CDK19: variants seen among roughly 807,000 people sequenced by gnomAD.
CDK19 encodes cyclin dependent kinase 19.
A neutral mutation model predicts 68.3 loss-of-function variants in CDK19; 20 were observed. That is an observed-to-expected ratio of 0.29 (90% CI 0.21 to 0.43). The LOEUF (loss-of-function observed/expected upper bound fraction) is 0.43. Among genes scored for constraint, CDK19 ranks in the 20% least tolerant of loss-of-function variants. The pLI is 1.00. For missense variants in CDK19, 339 were observed against 623.5 expected (o/e 0.54, Z 4.86); for synonymous variants, 221 against 222.8 (o/e 0.99, Z 0.07).
rs1185809034 is a variant in CDK19, at chr6:110,617,760, G to A, written c.1378-3094C>T. Among the ~76,000 whole-genome samples the A allele has an allele frequency of 4.1e-5, 6 of 144,796 alleles. No homozygotes were observed. The Admixed American group carries it at 4.2e-4, about 10-fold the overall frequency. The allele number at this position is 144,796 out of a possible 152,430, so 95.0% of individuals were successfully genotyped here. A position where few individuals can be genotyped will look rare whatever the true frequency, so the allele number is the denominator to read the frequency against. On this transcript the variant is annotated intron_variant, in intron 12 of 12. Coordinates refer to ENST00000368911, the MANE Select transcript of CDK19 (RefSeq NM_015076.5). ...TAGTCTCAGCTACTTGGGAGGCTGA[G>A]GCATGAGAATCACTTGAACCCAGGA...
At chr6:110,737,864 G>A (rs1345645746) in intron 2 of CDK19, among the ~76,000 whole-genome samples, 1 of 152,164 alleles carries the variant, frequency 6.6e-6, no homozygotes, top group Non-Finnish European at 1.5e-5. Flanking sequence ...TCCATGCTGA[G>A]TCTTCAACTC....
intron 1 of CDK19, among the ~76,000 whole-genome samples, chr6:110,769,032 G>A (rs1258731655): frequency 1.3e-5 from 2 of 151,000 alleles, no homozygotes; most frequent in African/African-American, 4.9e-5. Flanking sequence ...GCACGTGCCT[G>A]TAGTCTCAGC....
chr6:110,728,424 A>G (rs1776506250), intron 2 of CDK19, among the ~76,000 whole-genome samples: 1 of 151,930 alleles, frequency 6.6e-6, no homozygotes, highest in Non-Finnish European at 1.5e-5. Context: ...ATCAATTTCT[A>G]CCCATCTGCC....
chr6:110,618,545 C>T (rs1778497053), intron 12 of CDK19, among the ~76,000 whole-genome samples: 2 of 152,196 alleles, frequency 1.3e-5, no homozygotes, highest in African/African-American at 2.4e-5. Flanking sequence ...TTCCTTCTCC[C>T]GATGGTGTTA....
chr6:110,678,446 C>T (rs1322113830), intron 2 of CDK19, among the ~76,000 whole-genome samples: 5 of 152,154 alleles, frequency 3.3e-5, no homozygotes, highest in Admixed American at 2.6e-4. Flanking sequence ...GCTCTTCCCT[C>T]GCCTCAGTTA....
intron 2 of CDK19, among the ~76,000 whole-genome samples, chr6:110,685,876 G>A (rs1772432889): frequency 6.6e-6 from 1 of 152,154 alleles, no homozygotes; most frequent in South Asian, 2.1e-4. Flanking sequence ...TTAAGGACAA[G>A]TGGGCTTTCC....
chr6:110,692,620 A>G (rs1773105778), intron 2 of CDK19, among the ~76,000 whole-genome samples: 1 of 152,204 alleles, frequency 6.6e-6, no homozygotes, highest in East Asian at 1.9e-4. Context: ...AGATATACAA[A>G]TATAAGAAGC....
intron 2 of CDK19, among the ~76,000 whole-genome samples, chr6:110,712,457 T>C (rs574386111): frequency 2.0e-5 from 3 of 152,354 alleles, no homozygotes; most frequent in African/African-American, 7.2e-5. Context: ...TAAATAATGT[T>C]TGATCTTTAG....
intron 2 of CDK19, among the ~76,000 whole-genome samples, chr6:110,687,873 A>G (rs1772622068): frequency 6.6e-6 from 1 of 152,226 alleles, no homozygotes; most frequent in South Asian, 2.1e-4. Context: ...TAAGGACAAC[A>G]TTAATCTGAA....
chr6:110,621,389 CA>C lies in CDK19; in HGVS notation c.1111-20del, dbSNP rs1778707130. 6.6e-7 allele frequency: 1 copy of C among 1,522,180 alleles called. No individual in the cohort carries two copies. The highest frequency in any genetic ancestry group is 8.8e-7 in the Non-Finnish European group (1 of 1,137,312). The allele number at this position is 1,522,180 out of a possible 1,614,324, so 94.3% of individuals were successfully genotyped here. On this transcript the variant is annotated intron_variant, in intron 11 of 12. Coordinates refer to ENST00000368911, the MANE Select transcript of CDK19 (RefSeq NM_015076.5). This position sits in a 1 kb window ranked among gnomAD's most constrained non-coding sequence, Gnocchi z 5.4. ...GCTGATTCTTTTAAGGGGAAAAAAG[CA>C]AGCTTGGTATGAAACCAAATTAACA...
At chr6:110,708,120 G>A (rs1774665984) in intron 2 of CDK19, among the ~76,000 whole-genome samples, 1 of 152,060 alleles carries the variant, frequency 6.6e-6, no homozygotes, top group African/African-American at 2.4e-5. Flanking sequence ...CTCTTTTCAG[G>A]CTTTTGGTAC....
chr6:110,622,788 A>AG (rs1778798098), intron 10 of CDK19, 27 bp downstream of exon 10: 1 of 1,414,592 alleles, frequency 7.1e-7, no homozygotes, highest in Non-Finnish European at 1.0e-6. Flanking sequence ...CCTGGAGCAA[A>AG]GGACACAGAA....
intron 2 of CDK19, among the ~76,000 whole-genome samples, chr6:110,729,755 A>C (rs1238210365): frequency 6.6e-6 from 1 of 151,572 alleles, no homozygotes; most frequent in Non-Finnish European, 1.5e-5. Context: ...ATTTTTTGAG[A>C]CTAGGTCTTG....
At chr6:110,682,481 G>A (rs1280372323) in intron 2 of CDK19, among the ~76,000 whole-genome samples, 17 of 152,146 alleles carry the variant, frequency 1.1e-4, no homozygotes, top group Admixed American at 1.1e-3. Context: ...CCTTTTGGAA[G>A]CTGCTCTTTA....
chr6:110,787,143 C>T (rs1028313096), intron 1 of CDK19, among the ~76,000 whole-genome samples: 12 of 152,082 alleles, frequency 7.9e-5, no homozygotes, highest in African/African-American at 2.7e-4. Context: ...GAGGTCCAGA[C>T]GGGCGGATCA....
intron 1 of CDK19, among the ~76,000 whole-genome samples, chr6:110,768,980 C>T (rs1397264777): frequency 1.2e-4 from 18 of 151,084 alleles, no homozygotes; most frequent in Admixed American, 1.1e-3. Context: ...TGACGAAACC[C>T]CATCTCTACT....
intron 1 of CDK19, among the ~76,000 whole-genome samples, chr6:110,760,350 T>C (rs1779145624): frequency 7.0e-6 from 1 of 142,936 alleles, no homozygotes; most frequent in Non-Finnish European, 1.5e-5. Flanking sequence ...AGAGCCAAGA[T>C]TGTGCCACTG....
chr6:110,679,557 A>T (rs543519115), intron 2 of CDK19, among the ~76,000 whole-genome samples: 96 of 152,328 alleles, frequency 6.3e-4, no homozygotes, highest in African/African-American at 2.1e-3. Context: ...GGTTGCAGTG[A>T]GCCAAGATCA....
At chr6:110,658,954 C>T (rs1168730866) in intron 4 of CDK19, among the ~76,000 whole-genome samples, 1 of 152,196 alleles carries the variant, frequency 6.6e-6, no homozygotes, top group African/African-American at 2.4e-5. Flanking sequence ...TGAGGGTCAA[C>T]AACCATATAA....
Sources: gnomAD v4.1 joint callset for allele counts (sites outside exome capture counted in the v4.1 genomes callset) on GRCh38, gnomAD v4.1.1 for gene constraint, Gnocchi (gnomAD v3.1) non-coding constraint, MANE v1.5 for transcripts, NCBI Gene and HGNC (gene_info 2026-07-23, HGNC 2026-07-21) for gene names.